Variants in RNF103 observed in about 807,000 individuals in gnomAD.
The protein encoded by RNF103 is E3 ubiquitin-protein ligase RNF103.
In RNF103, 23 loss-of-function variants were observed where a neutral mutation model predicts 66.2. That is an observed-to-expected ratio of 0.35 (90% confidence interval 0.25 to 0.49). The LOEUF is 0.49. Ranked by LOEUF, RNF103 falls within the 20% of genes least tolerant of loss-of-function variation. The pLI, the probability that RNF103 is intolerant of heterozygous loss-of-function variation, is 0.98. For missense variants in RNF103, 730 were observed against 814.7 expected (o/e 0.90, Z 1.27); for synonymous variants, 297 against 289.9 (o/e 1.02, Z -0.25).
intron 3 of RNF103, among the ~76,000 whole-genome samples, chr2:86,606,656 T>A (rs1251057976): frequency 1.0e-5 from 1 of 95,418 alleles, no homozygotes; most frequent in Admixed American, 1.3e-4. Context: ...GAGCAAAACT[T>A]CGTCTCAAAA....
At chr2:86,614,593 A>C (rs776494567) in intron 2 of RNF103, 5 of 203,756 alleles carry the variant, frequency 2.5e-5, no homozygotes, top group Non-Finnish European at 4.2e-5. Context: ...ACAGAGCAAG[A>C]CTCCATCTCA....
At chr2:86,620,029 T>G (rs1679165417) in intron 2 of RNF103, among the ~76,000 whole-genome samples, 1 of 152,182 alleles carries the variant, frequency 6.6e-6, no homozygotes. Context: ...ATAAAAGGGA[T>G]ATATATGTGT....
chr2:86,608,029 A>C (rs1406023771), intron 3 of RNF103, among the ~76,000 whole-genome samples: 2 of 152,228 alleles, frequency 1.3e-5, no homozygotes, highest in Non-Finnish European at 2.9e-5. Context: ...CCAATTCAAA[A>C]AAAATTTTTT....
intron 2 of RNF103, among the ~76,000 whole-genome samples, chr2:86,615,544 T>A (rs1214846302): frequency 2.0e-5 from 3 of 148,532 alleles, no homozygotes; most frequent in African/African-American, 7.4e-5. Flanking sequence ...ATATAATATA[T>A]ATACACACAC....
intron 1 of RNF103, among the ~76,000 whole-genome samples, chr2:86,621,378 T>G (rs1373059213): frequency 1.3e-5 from 2 of 152,226 alleles, no homozygotes; most frequent in Non-Finnish European, 2.9e-5. Context: ...TTGAGACACT[T>G]CTCATCTCTA....
intron 2 of RNF103, among the ~76,000 whole-genome samples, chr2:86,615,538 A>ATATATAT (rs900412430): frequency 2.9e-5 from 4 of 137,252 alleles, no homozygotes; most frequent in Admixed American, 7.9e-5. Flanking sequence ...ATATATATAT[A>ATATATAT]ATATATATAC....
chr2:86,618,320 T>A, intron 2 of RNF103: 1 of 192,640 alleles, frequency 5.2e-6, no homozygotes, highest in Non-Finnish European at 1.1e-5. Context: ...TTATTTGGTG[T>A]CTGCCTCTCC....
chr2:86,615,498 A>T (rs1180125532), intron 2 of RNF103, among the ~76,000 whole-genome samples: 1 of 140,174 alleles, frequency 7.1e-6, no homozygotes, highest in Non-Finnish European at 1.5e-5. Flanking sequence ...TTCTCAGCCT[A>T]ATATATATAT....
Position 86,604,220 on chromosome 2 carries a change from G to A in RNF103, c.1681C>T (p.Leu561Phe), listed in dbSNP as rs908340353. Residue 561 changes from leucine (L) to phenylalanine (F), a missense_variant, in exon 4 of 4, where the codon CTT (leucine) becomes TTT (phenylalanine). Transcript: ENST00000237455. ...KEVFEDKQSV[L>F]HNSPGTASHC... is the part of the protein sequence containing the mutation. ...CTTGCTGTTCCTGGAGAATTGTGAA[G>A]TACGCTTTGCTTATCTTCAAATACT... 1.2e-6 allele frequency: 2 copies of A among 1,614,042 alleles called. No individual in the cohort carries two copies. The highest frequency in any genetic ancestry group is 1.3e-5 in the African/African-American group (1 of 75,032).
chr2:86,617,520 T>G (rs1441911184), intron 2 of RNF103: 1 of 508,472 alleles, frequency 2.0e-6, no homozygotes, highest in East Asian at 1.5e-4. Context: ...ATCACAGGTA[T>G]GTATGTATAG....
intron 1 of RNF103, 79 bp downstream of exon 1, chr2:86,622,582 G>T: frequency 7.0e-7 from 1 of 1,429,316 alleles, no homozygotes; most frequent in Non-Finnish European, 9.8e-7. Context: ...CTCACTCTGG[G>T]GGAACAGCCA....
chr2:86,610,747 C>A (rs1014260039), intron 3 of RNF103, among the ~76,000 whole-genome samples: 2 of 151,658 alleles, frequency 1.3e-5, no homozygotes, highest in African/African-American at 4.8e-5. Flanking sequence ...CTAAAAAAAT[C>A]AAAATATCAG....
chr2:86,605,396 C>G lies in RNF103; in HGVS notation c.505G>C (p.Val169Leu). Residue 169 changes from valine (V) to leucine (L), a missense_variant, in exon 4 of 4, where the codon GTC (valine) becomes CTC (leucine). Around this residue, in one of 3 missense-constraint regions of RNF103, gnomAD observed 327 missense variants for 369.8 expected, o/e 0.88. Transcript: ENST00000237455. ...DPRYCRRRGW[V>L]RSTLIMSVPQ... ...ACAGACATAATGAGTGTGGATCGGA[C>G]CCAGCCTCTTCTCCTGCAATATCTA... is the stretch of plus-strand genomic sequence containing the variant. 6.2e-7 allele frequency: 1 copy of G among 1,609,632 alleles called. No individual in the cohort carries two copies.
Position 86,603,826 on chromosome 2 carries a change from G to A in RNF103, c.*17C>T. 6.3e-7 allele frequency: 1 copy of A among 1,590,748 alleles called. No homozygotes were observed. Among genetic ancestry groups the A allele is most frequent in the Admixed American group, 1.8e-5 (1 of 55,234 alleles). ...CTGTAAGATACTCAAAGCTTATAAA[G>A]GACAAATTGCACATGGTTAAGATGG... On this transcript the variant is annotated 3_prime_UTR_variant, in exon 4 of 4. Coordinates refer to ENST00000237455, the MANE Select transcript of RNF103 (RefSeq NM_005667.4).
chr2:86,618,355 A>T (rs963473289), intron 2 of RNF103: 1 of 175,878 alleles, frequency 5.7e-6, no homozygotes, highest in African/African-American at 2.4e-5. Context: ...GCTGCCTGAC[A>T]GAGCAAGGCC....
At position 86,603,722 on chromosome 2, in the gene RNF103, G is replaced by T; in HGVS notation, c.*121C>A. On this transcript the variant is annotated 3_prime_UTR_variant, in exon 4 of 4. Transcript: ENST00000237455. ...ATTCTGTCATCAACATTAGCATAAT[G>T]TGTATTTCCCGTCACTGCACTAACA... 1 of 1,350,546 alleles carries T rather than the reference G, an allele frequency of 7.4e-7. No homozygotes were observed. Among genetic ancestry groups the T allele is most frequent in the Admixed American group, 2.4e-5 (1 of 41,702 alleles). The allele number at this position is 1,350,546 out of a possible 1,614,324, so 83.7% of individuals were successfully genotyped here.
chr2:86,615,894 T>A (rs75885634), intron 2 of RNF103, among the ~76,000 whole-genome samples: 7,873 of 152,216 alleles, frequency 0.052, 380 homozygotes, highest in African/African-American at 0.12. Context: ...CTCATATGGG[T>A]GCTCAATAAG....
intron 3 of RNF103, among the ~76,000 whole-genome samples, chr2:86,609,621 G>A (rs530251831): frequency 4.0e-4 from 60 of 151,856 alleles, no homozygotes; most frequent in African/African-American, 1.3e-3. Flanking sequence ...CCTTACCTCC[G>A]GTGATCTACC....
chr2:86,618,133 T>C, intron 2 of RNF103: 1 of 297,258 alleles, frequency 3.4e-6, no homozygotes. Flanking sequence ...TTTAAAAATA[T>C]TTTCAGAGAA....
Sources: allele counts gnomAD v4.1 joint callset (sites outside exome capture counted in the v4.1 genomes callset), GRCh38; gene constraint gnomAD v4.1.1; regional missense constraint gnomAD v4.1.1; transcripts MANE v1.5; gene names NCBI Gene and HGNC (gene_info 2026-07-23, HGNC 2026-07-21).